Variants in SSX1 observed in about 807,000 individuals in gnomAD.
SSX1 encodes the protein protein SSX1.
In SSX1, 58 loss-of-function variants were observed where a neutral mutation model predicts 14.6. The observed-to-expected ratio is 3.96, with a 90% CI of 3.21 to 4.93. The LOEUF is 4.93. Among genes scored for constraint, SSX1 ranks in the 30% most tolerant of loss-of-function variants. The pLI is 0.00. For missense variants in SSX1, 272 were observed against 143.1 expected (o/e 1.90, Z -4.60); for synonymous variants, 46 against 52.1 (o/e 0.88, Z 0.50).
Position 48,266,850 on chromosome X carries a change from T to A in SSX1, c.*5-4T>A, listed in dbSNP as rs2059625666. The stretch of plus-strand genomic sequence containing the variant: ...CTTACTTTCCTTCCCTCTTCTCGCC[T>A]CAGCCTGGGGGATACGACACATGCC... On this transcript the variant is annotated splice_region_variant and splice_polypyrimidine_tract_variant and intron_variant, in intron 7 of 7. Coordinates refer to ENST00000376919, the MANE Select transcript of SSX1 (RefSeq NM_005635.4). 17 of 1,053,379 alleles carry A rather than the reference T, an allele frequency of 1.6e-5. No individual in the cohort carries two copies. In the South Asian group the frequency reaches 2.8e-4, roughly 17 times the overall value. The allele number at this position is 1,053,379 out of a possible 1,213,427, so 86.8% of individuals were successfully genotyped here.
Position 48,258,598 on chromosome X carries a change from G to T in SSX1, c.247G>T (p.Asp83Tyr), listed in dbSNP as rs2059592717. ...ACAGGCCACAGACTTCCAGGGGAATGATTTTGATAATGACCATAACCGCAG... is the reference window on the plus strand; with the variant it reads ...ACAGGCCACAGACTTCCAGGGGAATTATTTTGATAATGACCATAACCGCAG... Reference protein sequence around the residue: ...NKQATDFQGNDFDNDHNRRIQ... With the variant: ...NKQATDFQGNYFDNDHNRRIQ... Residue 83 changes from aspartate to tyrosine, a missense_variant, in exon 4 of 8, where the codon GAT (aspartate) becomes TAT (tyrosine). Coordinates refer to ENST00000376919, the MANE Select transcript of SSX1 (RefSeq NM_005635.4). 2.5e-6 allele frequency: 3 copies of T among 1,208,976 alleles called. No individual in the cohort carries two copies. The highest frequency in any genetic ancestry group is 3.5e-5 in the South Asian group (2 of 56,908).
chrX:48,257,580 C>T (rs782045094), intron 2 of SSX1, 166 bp from the exon 3 acceptor site: 9 of 750,466 alleles, frequency 1.2e-5, no homozygotes, highest in African/African-American at 9.3e-5. Flanking sequence ...ATGTGTGCCA[C>T]GGGAGAAGCT....
intron 7 of SSX1, among the ~76,000 whole-genome samples, 181 bp from the exon 8 acceptor site, chrX:48,266,673 G>A (rs2059625079): frequency 1.8e-5 from 2 of 111,633 alleles, no homozygotes; most frequent in Non-Finnish European, 1.9e-5. Flanking sequence ...TAAACCAGGC[G>A]AGGAAGTCAC....
intron 1 of SSX1, 67 bp from the exon 2 acceptor site, chrX:48,257,155 A>G: frequency 9.5e-7 from 1 of 1,049,756 alleles, no homozygotes; most frequent in Non-Finnish European, 1.3e-6. Flanking sequence ...GCCGGGCTTC[A>G]CTGATTTCTC....
At chrX:48,263,952 C>A (rs1237755708) in intron 6 of SSX1, 35 bp downstream of exon 6, 15 of 1,200,077 alleles carry the variant, frequency 1.2e-5, no homozygotes, top group African/African-American at 5.3e-5. Flanking sequence ...ACTTCTCTGG[C>A]TTTTCTGGCT....
intron 4 of SSX1, 124 bp downstream of exon 4, chrX:48,258,755 AT>A: frequency 1.9e-6 from 1 of 522,036 alleles, no homozygotes; most frequent in Non-Finnish European, 3.2e-6. Context: ...GAAAAAAAAA[AT>A]TGCATACAGA....
intron 6 of SSX1, among the ~76,000 whole-genome samples, chrX:48,264,864 A>G (rs1422614327): frequency 3.5e-5 from 4 of 112,845 alleles, no homozygotes; most frequent in African/African-American, 9.7e-5. Context: ...CACGTTCATC[A>G]GTGATCTTAG....
At chrX:48,265,733 C>T (rs1238573775) in intron 6 of SSX1, among the ~76,000 whole-genome samples, 8 of 111,637 alleles carry the variant, frequency 7.2e-5, no homozygotes, top group African/African-American at 2.6e-4. Flanking sequence ...GCATTGCATA[C>T]GTGTATCAAA....
rs1235279781 is a variant in SSX1, at chrX:48,258,387, T to G, written c.185-149T>G. On this transcript the variant is annotated intron_variant, in intron 3 of 7. Coordinates refer to ENST00000376919, the MANE Select transcript of SSX1 (RefSeq NM_005635.4). ...ATTTTATAATTTGTAGATATGGGGG[T>G]CTCTCTATGTTACACAGGCTCATCT... The G allele has an allele frequency of 1.7e-5, 8 of 474,489 alleles. No individual in the cohort carries two copies. The East Asian group carries it at 2.2e-4, about 13-fold the overall frequency. 39.1% of individuals were successfully genotyped at this position (474,489 alleles called of 1,213,427 possible).
chrX:48,266,257 C>T (rs782381036), intron 6 of SSX1, 30 bp from the exon 7 acceptor site: 1 of 1,209,834 alleles, frequency 8.3e-7, no homozygotes, highest in Non-Finnish European at 1.1e-6. Context: ...ACGTACCCAA[C>T]CCTCATCTTC....
At chrX:48,263,642 G>C (rs1444657110) in intron 5 of SSX1, 140 bp from the exon 6 acceptor site, 89 of 861,519 alleles carry the variant, frequency 1.0e-4, no homozygotes, top group Non-Finnish European at 1.3e-4. Context: ...TCCCAGGTTT[G>C]TCTCATTTAG....
chrX:48,256,016 G>A (rs1481027158), intron 1 of SSX1, among the ~76,000 whole-genome samples: 1 of 104,325 alleles, frequency 9.6e-6, no homozygotes, highest in African/African-American at 3.5e-5. Flanking sequence ...GTGCCATTCC[G>A]CCCCTGCTAG....
At chrX:48,264,060 G>A (rs1236146636) in intron 6 of SSX1, 143 bp downstream of exon 6, 8 of 1,059,205 alleles carry the variant, frequency 7.6e-6, no homozygotes, top group African/African-American at 1.9e-5. Flanking sequence ...TGAGATGTTA[G>A]ACATGACTTC....
chrX:48,256,690 A>G (rs1207677776), intron 1 of SSX1, among the ~76,000 whole-genome samples: 3 of 109,097 alleles, frequency 2.7e-5, no homozygotes, highest in African/African-American at 6.7e-5. Context: ...CCTTCTAATA[A>G]TTTACAAATA....
At chrX:48,257,961 C>G in intron 3 of SSX1, 101 bp downstream of exon 3, 1 of 571,655 alleles carries the variant, frequency 1.7e-6, no homozygotes, top group East Asian at 3.7e-5. Flanking sequence ...CCACATTTTC[C>G]TTTTGTGCAG....
intron 1 of SSX1, among the ~76,000 whole-genome samples, chrX:48,255,721 T>C (rs782759499): frequency 2.9e-5 from 3 of 104,595 alleles, no homozygotes; most frequent in Non-Finnish European, 5.9e-5. Context: ...TCCTCCCGCC[T>C]TGGCCTCGGG....
In SSX1 at chrX:48,258,554, C is replaced by T. The variant is rs1371044110; in HGVS notation, c.203C>T (p.Pro68Leu). Residue 68 changes from proline (P) to leucine (L), a missense_variant, in exon 4 of 8, where the codon CCA (proline) becomes CTA (leucine). By Grantham distance (98) the Pro-to-Leu change is moderately conservative (BLOSUM62 -3). Coordinates refer to ENST00000376919, the MANE Select transcript of SSX1 (RefSeq NM_005635.4). Reference sequence around the variant, plus strand: ...TTTCTAGGTTTCAAAGTCACCCTCCCACCTTTCATGTGTAATAAACAGGCC... The same window carrying T: ...TTTCTAGGTTTCAAAGTCACCCTCCTACCTTTCATGTGTAATAAACAGGCC... ...MTKLGFKVTL[P>L]PFMCNKQATD... The T allele has an allele frequency of 5.0e-6, 6 of 1,205,534 alleles. No homozygotes were observed. The highest frequency in any genetic ancestry group is 3.0e-5 in the East Asian group (1 of 33,658).
rs782430486 is a variant in SSX1, at chrX:48,257,234, C to T, written c.-8C>T. 1.7e-6 allele frequency: 2 copies of T among 1,209,045 alleles called. No individual in the cohort carries two copies. The highest frequency in any genetic ancestry group is 3.5e-5 in the African/African-American group (2 of 57,158). On this transcript the variant is annotated 5_prime_UTR_variant, in exon 2 of 8. Transcript: ENST00000376919. Reference sequence around the variant, plus strand: ...GTTTCTCTTGCAGGTGAGACTGCTCCTGGTGCCATGAACGGAGACGACACC... The same window carrying T: ...GTTTCTCTTGCAGGTGAGACTGCTCTTGGTGCCATGAACGGAGACGACACC...
intron 6 of SSX1, among the ~76,000 whole-genome samples, chrX:48,265,301 C>T (rs1316004411): frequency 4.4e-5 from 5 of 112,416 alleles, no homozygotes; most frequent in Non-Finnish European, 5.6e-5. Context: ...CATCCTGTCT[C>T]GGCTTTCAGC....
Sources: gnomAD v4.1 joint callset for allele counts (sites outside exome capture counted in the v4.1 genomes callset) on GRCh38, gnomAD v4.1.1 for gene constraint, MANE v1.5 for transcripts, NCBI Gene and HGNC (gene_info 2026-07-23, HGNC 2026-07-21) for gene names.